Variants in HTR4 observed in about 807,000 individuals in gnomAD.
HTR4 encodes 5-hydroxytryptamine (serotonin) receptor 4, G protein-coupled.
Under a neutral mutation model 36.8 loss-of-function variants are expected in HTR4, and 16 were observed. The observed-to-expected ratio is 0.43, with a 90% CI of 0.29 to 0.66. The LOEUF (loss-of-function observed/expected upper bound fraction) is 0.66. Ranked by LOEUF, HTR4 falls within the 30% of genes least tolerant of loss-of-function variation. The pLI is 0.13. For synonymous variants in HTR4, 189 were observed against 185.1 expected (o/e 1.02, Z -0.17); for missense variants, 438 against 490.9 (o/e 0.89, Z 1.02).
intron 2 of HTR4, among the ~76,000 whole-genome samples, chr5:148,583,357 C>G (rs542710927): frequency 6.6e-6 from 1 of 151,632 alleles, no homozygotes; most frequent in Non-Finnish European, 1.5e-5. Flanking sequence ...GTGGGTGCAG[C>G]GCACTAGCAT....
intron 5 of HTR4, among the ~76,000 whole-genome samples, chr5:148,517,238 C>T (rs1757799621): frequency 6.6e-6 from 1 of 152,166 alleles, no homozygotes; most frequent in Non-Finnish European, 1.5e-5. Context: ...TCCTCACTGG[C>T]TGTTCCTTCC....
chr5:148,501,330 A>G (rs1218923169), intron 6 of HTR4, among the ~76,000 whole-genome samples: 1 of 152,232 alleles, frequency 6.6e-6, no homozygotes, highest in African/African-American at 2.4e-5. Context: ...ATGTCTGTAA[A>G]TACATTGAAA....
rs1032497019 is a variant in HTR4, at chr5:148,654,190, C to T, written c.-176G>A. The stretch of plus-strand genomic sequence containing the variant: ...CCGCTGCCTGCGCCCTCCCTGCCGC[C>T]CCCTCGGGTGCGGGCTCCAGCCCCC... On this transcript the variant is annotated 5_prime_UTR_variant, in exon 1 of 7. Transcript: ENST00000377888. 1 of 985,190 alleles carries T rather than the reference C, an allele frequency of 1.0e-6. No individual in the cohort carries two copies. The highest frequency in any genetic ancestry group is 4.7e-5 in the South Asian group (1 of 21,364). The allele number at this position is 985,190 out of a possible 1,614,324, so 61.0% of individuals were successfully genotyped here. A position where few individuals can be genotyped will look rare whatever the true frequency, so the allele number is the denominator to read the frequency against.
chr5:148,560,052 C>T (rs1244247116), intron 2 of HTR4, among the ~76,000 whole-genome samples: 1 of 151,826 alleles, frequency 6.6e-6, no homozygotes, highest in African/African-American at 2.4e-5. Flanking sequence ...TATTTGAAAT[C>T]CTATATTTTG....
intron 6 of HTR4, among the ~76,000 whole-genome samples, chr5:148,503,070 A>T (rs1030782066): frequency 6.6e-6 from 1 of 152,250 alleles, no homozygotes; most frequent in Admixed American, 6.5e-5. Context: ...AACACTCTGC[A>T]GGATATTATC....
chr5:148,585,042 G>A (rs983409534), intron 2 of HTR4, among the ~76,000 whole-genome samples: 1 of 152,198 alleles, frequency 6.6e-6, no homozygotes, highest in African/African-American at 2.4e-5. Context: ...CTGCCTGGGA[G>A]TGACAGACTT....
chr5:148,483,841 C>T (rs572685448), intron 6 of HTR4, among the ~76,000 whole-genome samples: 18 of 152,184 alleles, frequency 1.2e-4, no homozygotes, highest in Admixed American at 5.2e-4. Context: ...AAGTTATTGG[C>T]GTATATTGAG....
At position 148,593,527 on chromosome 5, in the gene HTR4, T is replaced by G. The variant is rs1383442933; in HGVS notation, c.27-43265A>C. Among the ~76,000 whole-genome samples, 4 of 152,178 alleles carry G rather than the reference T, an allele frequency of 2.6e-5. No individual in the cohort carries two copies. The East Asian group carries it at 7.7e-4, about 29-fold the overall frequency. ...TCCTGTGGCTTCTATCTCATTACTTTTTCTGAAATGCCTCAATTTCTCTCC... is the reference window on the plus strand; with the variant it reads ...TCCTGTGGCTTCTATCTCATTACTTGTTCTGAAATGCCTCAATTTCTCTCC... On this transcript the variant is annotated intron_variant, in intron 2 of 6. Coordinates refer to ENST00000377888, the MANE Select transcript of HTR4 (RefSeq NM_000870.7).
At chr5:148,595,969 C>A in intron 2 of HTR4, among the ~76,000 whole-genome samples, 1 of 152,190 alleles carries the variant, frequency 6.6e-6, no homozygotes, top group Non-Finnish European at 1.5e-5. Flanking sequence ...TGATCAGTTG[C>A]TTCAGACACC....
intron 1 of HTR4, among the ~76,000 whole-genome samples, chr5:148,647,739 C>T (rs1324312978): frequency 6.6e-6 from 1 of 152,214 alleles, no homozygotes; most frequent in Admixed American, 6.5e-5. Flanking sequence ...GTCCCAGCTA[C>T]TCGGGCGGCT....
At chr5:148,631,260 G>A (rs1313408496) in intron 2 of HTR4, among the ~76,000 whole-genome samples, 3 of 152,138 alleles carry the variant, frequency 2.0e-5, no homozygotes, top group African/African-American at 7.2e-5. Context: ...AAGCAGTGAA[G>A]TTGAGTATTA....
At chr5:148,644,308 ATTG>A (rs891684093) in intron 1 of HTR4, among the ~76,000 whole-genome samples, 6 of 146,306 alleles carry the variant, frequency 4.1e-5, no homozygotes, top group African/African-American at 1.3e-4. Context: ...TGTTTTAGTT[ATTG>A]TTGTTTATGT....
At chr5:148,568,554 A>T (rs574704438) in intron 2 of HTR4, among the ~76,000 whole-genome samples, 1 of 152,120 alleles carries the variant, frequency 6.6e-6, no homozygotes, top group African/African-American at 2.4e-5. Flanking sequence ...CAAATTGTCC[A>T]TGAGCTTAAC....
At chr5:148,592,284 C>T (rs1328982693) in intron 2 of HTR4, among the ~76,000 whole-genome samples, 1 of 152,066 alleles carries the variant, frequency 6.6e-6, no homozygotes, top group Non-Finnish European at 1.5e-5. Flanking sequence ...CTATTGGGTA[C>T]TGGGCTTAAT....
At chr5:148,512,559 T>C (rs1347949620) in intron 5 of HTR4, among the ~76,000 whole-genome samples, 2 of 152,220 alleles carry the variant, frequency 1.3e-5, no homozygotes, top group African/African-American at 2.4e-5. Context: ...TATCTTGTGA[T>C]AGAAAGAAGC....
intron 2 of HTR4, among the ~76,000 whole-genome samples, chr5:148,612,275 G>A (rs1752467350): frequency 6.6e-6 from 1 of 151,062 alleles, no homozygotes; most frequent in Admixed American, 6.6e-5. Flanking sequence ...CACATACTTG[G>A]AAGTAAAGCT....
At chr5:148,504,389 G>C (rs553943581) in intron 6 of HTR4, among the ~76,000 whole-genome samples, 15 of 152,306 alleles carry the variant, frequency 9.8e-5, no homozygotes, top group African/African-American at 3.1e-4. Flanking sequence ...GCTCCTGAAT[G>C]ACTACTGGGT....
At chr5:148,459,900 T>A (rs1228144002) in intron 5 of HTR4, among the ~76,000 whole-genome samples, 1 of 152,060 alleles carries the variant, frequency 6.6e-6, no homozygotes, top group East Asian at 1.9e-4. Context: ...ATGGAAAAAG[T>A]AGATGACATG....
intron 5 of HTR4, chr5:148,451,360 C>A: frequency 6.3e-7 from 1 of 1,594,428 alleles, no homozygotes; most frequent in South Asian, 1.1e-5. Flanking sequence ...CTCTTGACTT[C>A]CTTTCTTTGC....
Sources: gnomAD v4.1 joint callset for allele counts (sites outside exome capture counted in the v4.1 genomes callset) on GRCh38, gnomAD v4.1.1 for gene constraint, MANE v1.5 for transcripts, NCBI Gene and HGNC (gene_info 2026-07-23, HGNC 2026-07-21) for gene names.